The following ARK2C variants were observed in gnomAD, a reference collection of about 807,000 sequenced individuals.
ARK2C encodes the protein E3 ubiquitin-protein ligase ARK2C.
At chr18:46,401,808 A>G in the ARK2C span, among the ~76,000 whole-genome samples, 1 of 152,204 alleles carries the variant, frequency 6.6e-6, no homozygotes, top group Admixed American at 6.5e-5. Context: ...TGGTTTCCAA[A>G]TAGGGTAGGA....
chr18:46,458,050 G>C, the ARK2C span: 1 of 152,434 alleles, frequency 6.6e-6, no homozygotes, highest in Non-Finnish European at 1.5e-5. Context: ...CTCCTTTGAG[G>C]GGGGAGAGAG....
chr18:46,356,233 A>G, the ARK2C span, among the ~76,000 whole-genome samples: 4 of 152,232 alleles, frequency 2.6e-5, no homozygotes, highest in African/African-American at 9.6e-5. Flanking sequence ...ACCCTGTTCC[A>G]GGTGTGTTCT....
At chr18:46,397,941 G>A in the ARK2C span, among the ~76,000 whole-genome samples, 10 of 146,104 alleles carry the variant, frequency 6.8e-5, no homozygotes, top group East Asian at 1.9e-3. Flanking sequence ...GCTGGGGTGC[G>A]AGGGTGTGTG....
At chr18:46,450,666 C>T in the ARK2C span, 1 of 1,505,786 alleles carries the variant, frequency 6.6e-7, no homozygotes, top group Non-Finnish European at 9.2e-7. Flanking sequence ...GGCATTTATA[C>T]ATGCTGAGCA....
chr18:46,403,552 G>A, the ARK2C span, among the ~76,000 whole-genome samples: 2 of 152,130 alleles, frequency 1.3e-5, no homozygotes, highest in African/African-American at 4.8e-5. Flanking sequence ...CTTATTGAAT[G>A]CTTCCGTATG....
chr18:46,370,388 G>A, the ARK2C span, among the ~76,000 whole-genome samples: 4 of 152,222 alleles, frequency 2.6e-5, no homozygotes, highest in Non-Finnish European at 4.4e-5. Context: ...AGTGTGCAGA[G>A]CTTGTGTCTT....
At chr18:46,403,875 C>CA in the ARK2C span, among the ~76,000 whole-genome samples, 23 of 151,924 alleles carry the variant, frequency 1.5e-4, no homozygotes, top group African/African-American at 4.3e-4. Flanking sequence ...AGACTCTGTC[C>CA]AAAAAAACAA....
At chr18:46,401,269 A>G in the ARK2C span, among the ~76,000 whole-genome samples, 1 of 152,124 alleles carries the variant, frequency 6.6e-6, no homozygotes, top group Non-Finnish European at 1.5e-5. Flanking sequence ...ACACCATCCC[A>G]GGCATGGCCA....
At chr18:46,456,469 A>G in the ARK2C span, 8 of 1,339,802 alleles carry the variant, frequency 6.0e-6, no homozygotes, top group Admixed American at 6.7e-5. Context: ...TGCTCCGCTC[A>G]GTGTCCCTCA....
the ARK2C span, among the ~76,000 whole-genome samples, chr18:46,405,892 G>A: frequency 6.6e-6 from 1 of 152,008 alleles, no homozygotes; most frequent in African/African-American, 2.4e-5. Flanking sequence ...CAACCTTCCT[G>A]CAGGACCCAC....
chr18:46,424,059 C>T, the ARK2C span, among the ~76,000 whole-genome samples: 5 of 152,192 alleles, frequency 3.3e-5, no homozygotes, highest in East Asian at 1.9e-4. Context: ...ACACTCACTT[C>T]GCAACTTTAT....
the ARK2C span, among the ~76,000 whole-genome samples, chr18:46,442,697 A>G: frequency 6.6e-6 from 1 of 152,082 alleles, no homozygotes; most frequent in African/African-American, 2.4e-5. Context: ...CAGGTCTTTT[A>G]TATTCTTACT....
chr18:46,437,279 G>T, the ARK2C span, among the ~76,000 whole-genome samples: 1 of 151,776 alleles, frequency 6.6e-6, no homozygotes, highest in Non-Finnish European at 1.5e-5. Flanking sequence ...GCTCCAGCGG[G>T]GGCCAGCCTA....
At chr18:46,407,480 C>T in the ARK2C span, among the ~76,000 whole-genome samples, 1 of 152,206 alleles carries the variant, frequency 6.6e-6, no homozygotes, top group African/African-American at 2.4e-5. Context: ...CTAATCCTAT[C>T]ACCCGACAGG....
At chr18:46,456,861 A>G in the ARK2C span, 3 of 529,030 alleles carry the variant, frequency 5.7e-6, no homozygotes, top group Non-Finnish European at 1.0e-5. Flanking sequence ...CTGGCTGAGC[A>G]GGAGAGAGGG....
the ARK2C span, among the ~76,000 whole-genome samples, chr18:46,357,907 G>A: frequency 1.3e-5 from 2 of 152,206 alleles, no homozygotes; most frequent in African/African-American, 4.8e-5. Context: ...CCTCTCTTCT[G>A]GGGGTTGCTG....
At chr18:46,428,910 G>A in the ARK2C span, among the ~76,000 whole-genome samples, 30 of 152,234 alleles carry the variant, frequency 2.0e-4, no homozygotes, top group African/African-American at 5.1e-4. Context: ...GACAATACCC[G>A]TTTTCACCCC....
the ARK2C span, among the ~76,000 whole-genome samples, chr18:46,422,300 C>G: frequency 6.6e-6 from 1 of 152,212 alleles, no homozygotes; most frequent in African/African-American, 2.4e-5. Flanking sequence ...TCCCAAGCAC[C>G]CTGCCTCTGA....
chr18:46,345,870 T>G, the ARK2C span, among the ~76,000 whole-genome samples: 2 of 151,756 alleles, frequency 1.3e-5, no homozygotes, highest in Non-Finnish European at 2.9e-5. Context: ...TGAGTGAGAG[T>G]AATTCTTCAG....
Sources: gnomAD v4.1 joint callset for allele counts (sites outside exome capture counted in the v4.1 genomes callset) on GRCh38, gnomAD v4.1.1 for gene constraint, MANE v1.5 for transcripts, NCBI Gene and HGNC (gene_info 2026-07-23, HGNC 2026-07-21) for gene names.